EIF3D: variants seen among roughly 807,000 people sequenced by gnomAD.
EIF3D encodes eIF3 p66.
A neutral mutation model predicts 75.4 loss-of-function variants in EIF3D; 10 were observed. That is an observed-to-expected ratio of 0.13 (90% confidence interval 0.08 to 0.22). EIF3D has a LOEUF of 0.22. Ranked by LOEUF, EIF3D falls within the 10% of genes least tolerant of loss-of-function variation. The pLI is 1.00. For missense variants in EIF3D, 394 were observed against 708.0 expected (o/e 0.56, Z 5.03); for synonymous variants, 246 against 248.3 (o/e 0.99, Z 0.09).
intron 12 of EIF3D, chr22:36,516,080 A>C (rs1375899614): frequency 1.2e-5 from 2 of 166,692 alleles, no homozygotes; most frequent in Non-Finnish European, 2.6e-5. Flanking sequence ...ATGAAAGAAG[A>C]GGTCAAAAAG....
In EIF3D at chr22:36,511,128, G is replaced by C. The variant is rs1035776841; in HGVS notation, c.1634-128C>G. On this transcript the variant is annotated intron_variant, in intron 14 of 14. Transcript: ENST00000216190. ...TTCCATTCCGAAGTTAAGCCTTTCA[G>C]ATGCTCACAGGGCTGGGCAGGTATT... 7.7e-6 allele frequency: 9 copies of C among 1,173,234 alleles called. No individual in the cohort carries two copies. The African/African-American group carries it at 9.4e-5, about 12-fold the overall frequency. 72.7% of individuals were successfully genotyped at this position (1,173,234 alleles called of 1,614,324 possible).
In EIF3D at chr22:36,519,478, C is replaced by T; in HGVS notation, c.638G>A (p.Ser213Asn). Reference protein sequence around the residue: ...DKAFDRITTRSEKPLRSIKRI... With the variant: ...DKAFDRITTRNEKPLRSIKRI... ...CTTGATGCTCCGCAGTGGCTTCTCA[C>T]TCCTCGTGGTGATGCGGTCAAAGGC... is the stretch of plus-strand genomic sequence containing the variant. Residue 213 changes from serine (S) to asparagine (N), a missense_variant, in exon 8 of 15, where the codon AGT (serine) becomes AAT (asparagine). Transcript: ENST00000216190. The T allele has an allele frequency of 6.2e-7, 1 of 1,614,174 alleles. No individual in the cohort carries two copies. Among genetic ancestry groups the T allele is most frequent in the Non-Finnish European group, 8.5e-7 (1 of 1,180,044 alleles).
rs1482521730 is a variant in EIF3D, at chr22:36,529,084, GC to G, written c.-20del. The G allele has an allele frequency of 5.1e-6, 2 of 391,712 alleles. No individual in the cohort carries two copies. The highest frequency in any genetic ancestry group is 9.0e-6 in the Non-Finnish European group (2 of 221,994). 24.3% of individuals were successfully genotyped at this position (391,712 alleles called of 1,614,324 possible). A position where few individuals can be genotyped will look rare whatever the true frequency, so the allele number is the denominator to read the frequency against. On this transcript the variant is annotated 5_prime_UTR_variant, in exon 1 of 15. Coordinates refer to ENST00000216190, the MANE Select transcript of EIF3D (RefSeq NM_003753.4). The stretch of plus-strand genomic sequence containing the variant: ...TGAAACACGCCGCTCACCTGCAATG[GC>G]CTCGGCCGGCCGGGATGGCAACAGA...
chr22:36,511,237 G>T, intron 14 of EIF3D: 2 of 805,554 alleles, frequency 2.5e-6, no homozygotes, highest in East Asian at 2.7e-5. Flanking sequence ...CTAGACCACC[G>T]GCTTCAATCT....
In EIF3D at chr22:36,511,537, CTCATCT is replaced by C. The variant is rs1413392788; in HGVS notation, c.1593_1598del (p.Asp532_Glu533del). 1.9e-6 allele frequency: 3 copies of C among 1,613,880 alleles called. No homozygotes were observed. The highest frequency in any genetic ancestry group is 2.5e-6 in the Non-Finnish European group (3 of 1,179,852). On this transcript the variant is annotated inframe_deletion, in exon 14 of 15. Transcript: ENST00000216190. ...CCTCTTCTTCCTCCTCCTCTTCCTC[CTCATCT>C]TCATCAGAGCTGAAGGTGCCATCAG...
chr22:36,521,462 A>G (rs1288703156), intron 6 of EIF3D, among the ~76,000 whole-genome samples: 2 of 152,192 alleles, frequency 1.3e-5, no homozygotes, highest in African/African-American at 4.8e-5. Context: ...TTTTGCTTAC[A>G]TGTGTTCTGT....
In EIF3D at chr22:36,520,690, T is replaced by C; in HGVS notation, c.466-2A>G. ...TTCAACTGAAGAGTCTCGGGGTTTC[T>C]GCAGTTGAAAACCATTAGAGGAAAA... On this transcript the variant is annotated splice_acceptor_variant, in intron 6 of 14. Coordinates refer to ENST00000216190, the MANE Select transcript of EIF3D (RefSeq NM_003753.4). LOFTEE classifies it high-confidence loss of function. 1 of 1,607,334 alleles carries C rather than the reference T, an allele frequency of 6.2e-7. No homozygotes were observed. Among genetic ancestry groups the C allele is most frequent in the Non-Finnish European group, 8.5e-7 (1 of 1,175,228 alleles).
rs375175159 is a variant in EIF3D at position 36,528,263 on chromosome 22, G to A, written c.-11+813C>T. ...GGGCAGCAGCCCGCAAAGATCAGGG[G>A]TTTGAGACCGTACATCATAATACCA... is the stretch of plus-strand genomic sequence containing the variant. On this transcript the variant is annotated intron_variant, in intron 1 of 14. Coordinates refer to ENST00000216190, the MANE Select transcript of EIF3D (RefSeq NM_003753.4). Among the ~76,000 whole-genome samples, 8 of 152,188 alleles carry A rather than the reference G, an allele frequency of 5.3e-5. No individual in the cohort carries two copies. The East Asian group carries it at 9.6e-4, about 18-fold the overall frequency.
At chr22:36,520,719 A>AT (rs1416404767) in intron 6 of EIF3D, 31 bp from the exon 7 acceptor site, 1 of 1,483,924 alleles carries the variant, frequency 6.7e-7, no homozygotes. Flanking sequence ...AGGAAAAAAA[A>AT]GTTATAGTCC....
Position 36,516,630 on chromosome 22 carries a change from G to A in EIF3D, c.1077-23C>T, listed in dbSNP as rs1386155046. 3 of 1,613,768 alleles carry A rather than the reference G, an allele frequency of 1.9e-6. No individual in the cohort carries two copies. In the African/African-American group the frequency reaches 4.0e-5, roughly 22 times the overall value. On this transcript the variant is annotated intron_variant, in intron 11 of 14. Transcript: ENST00000216190. ...TAACTGCAGCAAAAAAGAAACTCAT[G>A]TGGTCACTGGGGATTCTATAGAGTG...
intron 12 of EIF3D, chr22:36,512,808 C>T (rs1934361303): frequency 1.8e-6 from 1 of 566,276 alleles, no homozygotes; most frequent in Non-Finnish European, 3.1e-6. Context: ...CTTACAATTC[C>T]TCTCTTCTAA....
chr22:36,525,619 T>C (rs959171633), intron 3 of EIF3D, 45 bp downstream of exon 3: 6 of 1,601,352 alleles, frequency 3.7e-6, no homozygotes, highest in Admixed American at 3.5e-5. Flanking sequence ...AAAGAACAAC[T>C]TTCCCAAGGC....
Position 36,516,761 on chromosome 22 carries a change from T to A in EIF3D, c.1020A>T (p.Pro340=). The change falls in exon 11 of 15, where the codon CCA becomes CCT. Residue 340 remains proline (P), a synonymous_variant. Coordinates refer to ENST00000216190, the MANE Select transcript of EIF3D (RefSeq NM_003753.4). ...CCATGTCGTCCTCCACAAACGGGTT[T>A]GGGTTGGGGAAGTTGTATCTTTCCT... The part of the protein sequence containing the change: ...MGKERYNFPN[P]NPFVEDDMDK... 1 of 1,614,174 alleles carries A rather than the reference T, an allele frequency of 6.2e-7. No homozygotes were observed. Among genetic ancestry groups the A allele is most frequent in the Non-Finnish European group, 8.5e-7 (1 of 1,180,040 alleles).
chr22:36,528,408 G>A (rs551382350), intron 1 of EIF3D, among the ~76,000 whole-genome samples: 141 of 142,088 alleles, frequency 9.9e-4, no homozygotes, highest in Admixed American at 1.5e-3. Flanking sequence ...AGATACCCTG[G>A]CTTTAATAAA....
intron 3 of EIF3D, among the ~76,000 whole-genome samples, chr22:36,525,446 C>A (rs1241083512): frequency 2.0e-5 from 3 of 152,010 alleles, no homozygotes; most frequent in Non-Finnish European, 4.4e-5. Context: ...CCCAAAACCC[C>A]ATTTTAATAG....
chr22:36,516,442 G>A, intron 12 of EIF3D, 36 bp downstream of exon 12: 1 of 1,605,980 alleles, frequency 6.2e-7, no homozygotes, highest in Non-Finnish European at 8.5e-7. Context: ...ATAGAGACAT[G>A]GTGTCACCAG....
chr22:36,521,451 C>T (rs1283455123), intron 6 of EIF3D, among the ~76,000 whole-genome samples: 3 of 152,170 alleles, frequency 2.0e-5, no homozygotes, highest in South Asian at 2.1e-4. Flanking sequence ...TGTAGCTTCA[C>T]TTTTGCTTAC....
chr22:36,525,787 G>C (rs370002310), intron 2 of EIF3D, 78 bp from the exon 3 acceptor site: 2 of 1,563,130 alleles, frequency 1.3e-6, no homozygotes, highest in Non-Finnish European at 8.7e-7. Flanking sequence ...CCCTGAGCGC[G>C]AGAGGACAGC....
chr22:36,525,245 T>A (rs866694652), intron 3 of EIF3D, among the ~76,000 whole-genome samples: 108 of 146,330 alleles, frequency 7.4e-4, no homozygotes, highest in African/African-American at 2.5e-3. Context: ...TTTACTTTTT[T>A]TTTTTTTTTT....
Sources: allele counts gnomAD v4.1 joint callset (sites outside exome capture counted in the v4.1 genomes callset), GRCh38; gene constraint gnomAD v4.1.1; transcripts MANE v1.5; gene names NCBI Gene and HGNC (gene_info 2026-07-23, HGNC 2026-07-21).